KAZN: variants seen among roughly 807,000 people sequenced by gnomAD.
KAZN encodes the protein kazrin, periplakin interacting protein.
KAZN carries 40 observed loss-of-function variants against 87.4 expected under a neutral mutation model. That is an observed-to-expected ratio of 0.46 (90% CI 0.36 to 0.60). The LOEUF (loss-of-function observed/expected upper bound fraction) is 0.60, where lower values mean the gene tolerates loss of function less well. Among genes scored for constraint, KAZN ranks in the 20% least tolerant of loss-of-function variants. The pLI is 0.00. For synonymous variants in KAZN, 466 were observed against 458.3 expected (o/e 1.02, Z -0.22); for missense variants, 898 against 1,073.9 (o/e 0.84, Z 2.29).
At chr1:14,729,620 G>A (rs986058242) in intron 1 of KAZN, among the ~76,000 whole-genome samples, 25 of 152,132 alleles carry the variant, frequency 1.6e-4, no homozygotes, top group African/African-American at 4.3e-4. Flanking sequence ...CTGGGGAAGC[G>A]TTCACTTTTA....
At chr1:14,233,881 T>C (rs1393232881) in intron 2 of KAZN, among the ~76,000 whole-genome samples, 1 of 152,116 alleles carries the variant, frequency 6.6e-6, no homozygotes, top group Non-Finnish European at 1.5e-5. Context: ...ATGGTGATTA[T>C]TAAAAAGTCA....
At chr1:14,181,866 T>C (rs529687520) in intron 2 of KAZN, among the ~76,000 whole-genome samples, 91 of 152,204 alleles carry the variant, frequency 6.0e-4, no homozygotes, top group Non-Finnish European at 1.2e-3. Context: ...AGCCAGCACC[T>C]CAGCCAAGGG....
intron 2 of KAZN, among the ~76,000 whole-genome samples, chr1:14,993,997 T>C (rs956341706): frequency 6.6e-6 from 1 of 152,140 alleles, no homozygotes; most frequent in Non-Finnish European, 1.5e-5. Flanking sequence ...TCCTCCCAGG[T>C]GCGACGTAGA....
At chr1:14,988,331 G>C (rs770301930) in intron 2 of KAZN, among the ~76,000 whole-genome samples, 8 of 152,328 alleles carry the variant, frequency 5.3e-5, no homozygotes, top group African/African-American at 1.9e-4. Flanking sequence ...GCAGCTGGCC[G>C]CATTCTCAGG....
intron 2 of KAZN, among the ~76,000 whole-genome samples, chr1:14,525,064 A>T (rs1396895945): frequency 6.6e-6 from 1 of 152,240 alleles, no homozygotes; most frequent in East Asian, 1.9e-4. Flanking sequence ...CTCACCCAGG[A>T]AGGACACTCA....
At chr1:14,181,411 C>T (rs1646195360) in intron 2 of KAZN, among the ~76,000 whole-genome samples, 2 of 152,200 alleles carry the variant, frequency 1.3e-5, no homozygotes, top group Admixed American at 1.3e-4. Context: ...TTTCATTCCG[C>T]TCTGTAGCAG....
intron 2 of KAZN, among the ~76,000 whole-genome samples, chr1:14,418,884 AG>A (rs1665079147): frequency 6.6e-6 from 1 of 152,218 alleles, no homozygotes; most frequent in South Asian, 2.1e-4. Context: ...AATGAAAATA[AG>A]GCTTCTGCAT....
At chr1:14,219,057 A>T (rs1169935522) in intron 2 of KAZN, among the ~76,000 whole-genome samples, 1 of 152,158 alleles carries the variant, frequency 6.6e-6, no homozygotes, top group East Asian at 1.9e-4. Context: ...AGCAAAATCC[A>T]GATAGTAAGA....
At chr1:14,310,699 T>C (rs561377769) in intron 2 of KAZN, among the ~76,000 whole-genome samples, 1 of 152,350 alleles carries the variant, frequency 6.6e-6, no homozygotes, top group East Asian at 1.9e-4. Context: ...GAGCGTTTCG[T>C]CTGTGCTTGC....
At chr1:14,320,962 A>C (rs1656006790) in intron 2 of KAZN, among the ~76,000 whole-genome samples, 1 of 152,148 alleles carries the variant, frequency 6.6e-6, no homozygotes, top group African/African-American at 2.4e-5. Context: ...GTTAACAAGA[A>C]AGTTGTCTGT....
chr1:14,397,390 T>G (rs1184480933), intron 2 of KAZN, among the ~76,000 whole-genome samples: 3 of 151,990 alleles, frequency 2.0e-5, no homozygotes, highest in African/African-American at 4.8e-5. Context: ...GAGAGAGAAT[T>G]TTGTCTCTTC....
intron 1 of KAZN, among the ~76,000 whole-genome samples, chr1:13,923,031 G>A (rs1157731594): frequency 6.6e-6 from 1 of 152,132 alleles, no homozygotes; most frequent in Non-Finnish European, 1.5e-5. Context: ...AAGTCAAGCT[G>A]GAACATAGAG....
intron 1 of KAZN, among the ~76,000 whole-genome samples, chr1:14,821,656 A>C (rs1474380644): frequency 6.6e-6 from 1 of 152,164 alleles, no homozygotes; most frequent in Non-Finnish European, 1.5e-5. Flanking sequence ...CTCAGGGAGA[A>C]GACAGCCGTC....
intron 1 of KAZN, among the ~76,000 whole-genome samples, chr1:14,628,137 C>T (rs986234208): frequency 2.0e-5 from 3 of 152,174 alleles, no homozygotes; most frequent in East Asian, 3.8e-4. Flanking sequence ...TGCTACAGAC[C>T]GGGTACAGAT....
intron 1 of KAZN, among the ~76,000 whole-genome samples, chr1:14,628,234 G>T (rs1053802470): frequency 1.3e-5 from 2 of 152,164 alleles, no homozygotes; most frequent in African/African-American, 4.8e-5. Context: ...TTGTTTGAAA[G>T]GACGACCTTT....
intron 1 of KAZN, among the ~76,000 whole-genome samples, chr1:13,997,790 C>T (rs1639594359): frequency 6.6e-6 from 1 of 152,134 alleles, no homozygotes; most frequent in African/African-American, 2.4e-5. Flanking sequence ...AGCTAGAAAA[C>T]ATATTTCAGG....
intron 1 of KAZN, among the ~76,000 whole-genome samples, chr1:14,792,461 G>C (rs1182585844): frequency 1.3e-5 from 2 of 152,176 alleles, no homozygotes; most frequent in Non-Finnish European, 2.9e-5. Context: ...GCAGTACAAG[G>C]TTGGAAGAAG....
intron 1 of KAZN, among the ~76,000 whole-genome samples, chr1:14,028,187 G>A (rs903964549): frequency 2.4e-5 from 2 of 83,002 alleles, no homozygotes; most frequent in East Asian, 5.1e-4. Context: ...TTTATTTATG[G>A]TAAAAACTGG....
intron 1 of KAZN, among the ~76,000 whole-genome samples, chr1:14,787,007 A>G (rs76628795): frequency 0.022 from 3,412 of 152,234 alleles, 81 homozygotes; most frequent in African/African-American, 0.062. Context: ...TTGACACCAA[A>G]CATCTTTAGA....
Sources: gnomAD v4.1 joint callset for allele counts (sites outside exome capture counted in the v4.1 genomes callset) on GRCh38, gnomAD v4.1.1 for gene constraint, MANE v1.5 for transcripts, NCBI Gene and HGNC (gene_info 2026-07-23, HGNC 2026-07-21) for gene names.